The following KCNB2 variants were observed in gnomAD, a reference collection of about 807,000 sequenced individuals.
The protein encoded by KCNB2 is delayed rectifier potassium channel protein.
A neutral mutation model predicts 61.5 loss-of-function variants in KCNB2; 15 were observed. The observed-to-expected ratio is 0.24, with a 90% CI of 0.16 to 0.38. The LOEUF (loss-of-function observed/expected upper bound fraction) is 0.38. KCNB2 is among the 10% of genes least tolerant of loss of function. KCNB2 has a pLI of 1.00. For missense variants in KCNB2, 828 were observed against 1,125.2 expected (o/e 0.74, Z 3.78); for synonymous variants, 457 against 446.0 (o/e 1.02, Z -0.31).
chr8:72,631,168 T>A (rs539371026), intron 2 of KCNB2, among the ~76,000 whole-genome samples: 1 of 152,060 alleles, frequency 6.6e-6, no homozygotes, highest in East Asian at 1.9e-4. Flanking sequence ...ATCTTGAGAG[T>A]TACCCCATGT....
chr8:72,571,922 C>G (rs1806716076), intron 2 of KCNB2, among the ~76,000 whole-genome samples: 1 of 152,204 alleles, frequency 6.6e-6, no homozygotes, highest in African/African-American at 2.4e-5. Flanking sequence ...ATTTTTCTCT[C>G]TTTTCCTTGG....
chr8:72,927,905 C>T (rs1359889947), intron 2 of KCNB2, among the ~76,000 whole-genome samples: 1 of 152,104 alleles, frequency 6.6e-6, no homozygotes, highest in Non-Finnish European at 1.5e-5. Context: ...GTCTGTAATG[C>T]CCTTTATCCC....
intron 2 of KCNB2, among the ~76,000 whole-genome samples, chr8:72,599,769 A>G (rs1247144090): frequency 2.0e-5 from 3 of 152,192 alleles, no homozygotes; most frequent in East Asian, 3.9e-4. Flanking sequence ...AAACAACCCC[A>G]TCAAAAAGTG....
chr8:72,669,978 A>C (rs1292270727), intron 2 of KCNB2, among the ~76,000 whole-genome samples: 4 of 152,316 alleles, frequency 2.6e-5, no homozygotes, highest in East Asian at 1.9e-4. Flanking sequence ...GCATGAGGAG[A>C]GCTGAGCTCT....
chr8:72,741,258 C>T (rs1036352794), intron 2 of KCNB2, among the ~76,000 whole-genome samples: 2 of 152,122 alleles, frequency 1.3e-5, no homozygotes, highest in African/African-American at 4.8e-5. Context: ...TAGAATGTTC[C>T]ATGTACCTTT....
At chr8:72,928,484 C>A (rs1020742819) in intron 2 of KCNB2, among the ~76,000 whole-genome samples, 17 of 151,654 alleles carry the variant, frequency 1.1e-4, no homozygotes, top group African/African-American at 4.1e-4. Flanking sequence ...GCATGAGCCA[C>A]CTCCACTTTC....
At chr8:72,729,486 A>G (rs573665961) in intron 2 of KCNB2, among the ~76,000 whole-genome samples, 3 of 152,318 alleles carry the variant, frequency 2.0e-5, no homozygotes, top group African/African-American at 7.2e-5. Flanking sequence ...TGATATCAGT[A>G]TATTCCAGAA....
At chr8:72,866,257 T>C (rs1490528535) in intron 2 of KCNB2, among the ~76,000 whole-genome samples, 1 of 152,202 alleles carries the variant, frequency 6.6e-6, no homozygotes, top group African/African-American at 2.4e-5. Flanking sequence ...TGACAAGCCA[T>C]CCTTCCCAGT....
At chr8:72,660,970 A>T (rs1449770120) in intron 2 of KCNB2, 1 of 152,160 alleles carries the variant, frequency 6.6e-6, no homozygotes, top group Non-Finnish European at 1.5e-5. Flanking sequence ...AAGTGCATCC[A>T]TTATTTTGTC....
rs1174183089 is a variant in KCNB2 at position 72,855,361 on chromosome 8, T to C, written c.580-80574T>C. On this transcript the variant is annotated intron_variant, in intron 2 of 2. Coordinates refer to ENST00000523207, the MANE Select transcript of KCNB2 (RefSeq NM_004770.3). ...TAAATCTGAGAAATTCCAGACAGCT[T>C]TTGATATCAAGTTTTCAGCAAAGTT... 3.3e-5 allele frequency among the ~76,000 whole-genome samples: 5 copies of C among 152,142 alleles called. No individual in the cohort carries two copies. The East Asian group carries it at 9.6e-4, about 29-fold the overall frequency.
chr8:72,746,944 T>A (rs1808082729), intron 2 of KCNB2, among the ~76,000 whole-genome samples: 2 of 152,214 alleles, frequency 1.3e-5, no homozygotes, highest in Admixed American at 1.3e-4. Context: ...AAGGTTTTTC[T>A]GATCACAATT....
At chr8:72,561,727 A>C (rs1302146038) in intron 1 of KCNB2, among the ~76,000 whole-genome samples, 1 of 35,264 alleles carries the variant, frequency 2.8e-5, no homozygotes, top group Non-Finnish European at 6.3e-5. Context: ...ATATATATAT[A>C]TCTATATCTA....
At chr8:72,607,383 T>A (rs1805467389) in intron 2 of KCNB2, among the ~76,000 whole-genome samples, 1 of 152,152 alleles carries the variant, frequency 6.6e-6, no homozygotes, top group Admixed American at 6.5e-5. Context: ...TTGTTTCAAA[T>A]GCAGTAATTT....
At chr8:72,794,407 TA>T in intron 2 of KCNB2, among the ~76,000 whole-genome samples, 1 of 151,518 alleles carries the variant, frequency 6.6e-6, no homozygotes, top group East Asian at 2.0e-4. Flanking sequence ...TCTACTAAAA[TA>T]CAAAAAATTA....
At chr8:72,814,636 A>C (rs1239975758) in intron 2 of KCNB2, among the ~76,000 whole-genome samples, 1 of 152,222 alleles carries the variant, frequency 6.6e-6, no homozygotes, top group African/African-American at 2.4e-5. Context: ...AAAGTTTTTA[A>C]GTAGGCAAAG....
rs978776459 is a variant in KCNB2, at chr8:72,894,692, G to A, written c.580-41243G>A. 3.3e-5 allele frequency among the ~76,000 whole-genome samples: 5 copies of A among 152,084 alleles called. No homozygotes were observed. The East Asian group carries it at 9.7e-4, about 29-fold the overall frequency. The stretch of plus-strand genomic sequence containing the variant: ...TCCCAATTCATCCTGTTTGGATGTT[G>A]ACTGGTCTAAACTCCATTTCCCAAT... On this transcript the variant is annotated intron_variant, in intron 2 of 2. Transcript: ENST00000523207.
chr8:72,634,035 T>G (rs778418701), intron 2 of KCNB2, among the ~76,000 whole-genome samples: 1 of 152,304 alleles, frequency 6.6e-6, no homozygotes, highest in Non-Finnish European at 1.5e-5. Context: ...ACTACTCAAA[T>G]TATAGGTAAA....
chr8:72,821,691 G>A (rs1189751520), intron 2 of KCNB2, among the ~76,000 whole-genome samples: 1 of 148,426 alleles, frequency 6.7e-6, no homozygotes, highest in Non-Finnish European at 1.5e-5. Flanking sequence ...ACAGTGTGTG[G>A]AACTGGAAAA....
At chr8:72,545,984 C>T (rs1043059355) in intron 1 of KCNB2, among the ~76,000 whole-genome samples, 5 of 152,196 alleles carry the variant, frequency 3.3e-5, no homozygotes, top group Admixed American at 6.5e-5. Context: ...CCTTAACTCT[C>T]TTCAATTCCA....
Sources: gnomAD v4.1 joint callset for allele counts (sites outside exome capture counted in the v4.1 genomes callset) on GRCh38, gnomAD v4.1.1 for gene constraint, MANE v1.5 for transcripts, NCBI Gene and HGNC (gene_info 2026-07-23, HGNC 2026-07-21) for gene names.